Variants in MACF1 observed in about 807,000 individuals in gnomAD.
The protein encoded by MACF1 is microtubule-actin cross-linking factor 1.
Under a neutral mutation model 854.8 loss-of-function variants are expected in MACF1, and 193 were observed. The observed-to-expected ratio is 0.23, with a 90% CI of 0.20 to 0.25. The LOEUF (loss-of-function observed/expected upper bound fraction) is 0.25. MACF1 is among the 10% of genes least tolerant of loss of function. The pLI, the probability that MACF1 is intolerant of heterozygous loss-of-function variation, is 1.00. For missense variants in MACF1, 7,722 were observed against 8,929.1 expected (o/e 0.86, Z 5.45); for synonymous variants, 3,185 against 3,226.7 (o/e 0.99, Z 0.44).
rs201897886 is a variant in MACF1 at position 39,475,954 on chromosome 1, C to T, written c.21959-3844C>T. ...GAGGAGTGGTCAGCAAGGGAGCAGG[C>T]GTCCTTGAAGCCAGGGGAGGACAGG... On this transcript the variant is annotated intron_variant, in intron 97 of 100. Transcript: ENST00000564288. 1.6e-4 allele frequency among the ~76,000 whole-genome samples: 24 copies of T among 152,190 alleles called. 1 individual carries two copies. In the East Asian group the frequency reaches 3.9e-3, roughly 25 times the overall value.
chr1:39,324,819 T>TTCTCCATTC, intron 35 of MACF1, 85 bp downstream of exon 35: 1 of 1,061,988 alleles, frequency 9.4e-7, no homozygotes, highest in Non-Finnish European at 1.4e-6. Context: ...GATTTCAGAA[T>TTCTCCATTC]GGAGAATTCA....
At chr1:39,370,292 T>C in intron 51 of MACF1, 106 bp downstream of exon 51, 1 of 1,007,112 alleles carries the variant, frequency 9.9e-7, no homozygotes, top group Non-Finnish European at 1.4e-6. Flanking sequence ...ATCCAAGTTG[T>C]CAGTCTGCAT....
intron 49 of MACF1, 100 bp from the exon 50 acceptor site, chr1:39,368,048 C>A: frequency 3.9e-6 from 3 of 773,808 alleles, no homozygotes; most frequent in Non-Finnish European, 4.0e-6. Context: ...TTGTTTTGAT[C>A]TAGCATTTGA....
intron 2 of MACF1, among the ~76,000 whole-genome samples, chr1:39,151,737 T>G (rs1643584054): frequency 6.6e-6 from 1 of 152,142 alleles, no homozygotes; most frequent in African/African-American, 2.4e-5. Context: ...TTTATCTGCA[T>G]TAGTTGTACC....
chr1:39,160,616 T>C (rs1039270165), intron 2 of MACF1, among the ~76,000 whole-genome samples: 8 of 152,268 alleles, frequency 5.3e-5, no homozygotes, highest in Non-Finnish European at 1.2e-4. Context: ...AACTCTTCTT[T>C]GCTCCTGCAA....
chr1:39,361,424 G>C lies in MACF1; in HGVS notation c.12518G>C (p.Arg4173Pro), dbSNP rs530265028. 1.2e-5 allele frequency: 19 copies of C among 1,614,020 alleles called. No individual in the cohort carries two copies. The highest frequency in any genetic ancestry group is 1.1e-5 in the Non-Finnish European group (13 of 1,180,040). ...SLEATREMVTRFMETADSTTA... is the reference protein window; with the variant it reads ...SLEATREMVTPFMETADSTTA... Reference sequence around the variant, plus strand: ...GAGGCCACCCGTGAGATGGTGACCCGATTCATGGAGACAGCAGACAGTACT... The same window carrying C: ...GAGGCCACCCGTGAGATGGTGACCCCATTCATGGAGACAGCAGACAGTACT... Residue 4173 changes from arginine to proline, a missense_variant, in exon 49 of 101, where the codon CGA becomes CCA. Around this residue, in one of 15 missense-constraint regions of MACF1, gnomAD observed 2,807 missense variants for 3,235.8 expected, o/e 0.87. Transcript: ENST00000564288.
chr1:39,190,936 T>G (rs1644248451), intron 2 of MACF1, among the ~76,000 whole-genome samples: 1 of 152,120 alleles, frequency 6.6e-6, no homozygotes, highest in Non-Finnish European at 1.5e-5. Flanking sequence ...GAGTTTGCAG[T>G]GAGCTGAGAT....
In MACF1 at chr1:39,319,625, G is replaced by A. The variant is rs751200342; in HGVS notation, c.3946-39G>A. ...TAAATGTTCAGCTCTTTCAATGGTG[G>A]TAATGGCAATGATAATGTTGTGATA... is the stretch of plus-strand genomic sequence containing the variant. On this transcript the variant is annotated intron_variant, in intron 30 of 100. Transcript: ENST00000564288. 1.2e-5 allele frequency: 16 copies of A among 1,332,440 alleles called. No homozygotes were observed. The South Asian group carries it at 1.4e-4, about 12-fold the overall frequency. 82.5% of individuals were successfully genotyped at this position (1,332,440 alleles called of 1,614,324 possible). A position where few individuals can be genotyped will look rare whatever the true frequency, so the allele number is the denominator to read the frequency against.
chr1:39,336,524 A>G lies in MACF1; in HGVS notation c.9936A>G (p.Ala3312=). 2 of 1,614,212 alleles carry G rather than the reference A, an allele frequency of 1.2e-6. No homozygotes were observed. The highest frequency in any genetic ancestry group is 1.7e-6 in the Non-Finnish European group (2 of 1,180,028). The change falls in exon 37 of 101, where the codon GCA becomes GCG. Residue 3312 remains alanine (A), a synonymous_variant. Transcript: ENST00000564288. The part of the protein sequence containing the change: ...EKTVSLTVCS[A]VKTEKTPQEK... ...CAGTGTCCCTAACAGTATGCTCTGCAGTGAAGACAGAGAAGACACCACAGG... is the reference window on the plus strand; with the variant it reads ...CAGTGTCCCTAACAGTATGCTCTGCGGTGAAGACAGAGAAGACACCACAGG...
intron 36 of MACF1, among the ~76,000 whole-genome samples, chr1:39,327,583 A>G (rs997469879): frequency 1.9e-4 from 29 of 152,302 alleles, no homozygotes; most frequent in African/African-American, 6.5e-4. Flanking sequence ...GACCTGGTTC[A>G]CCTTTTTTGT....
chr1:39,326,722 C>T (rs1034630389), intron 35 of MACF1, among the ~76,000 whole-genome samples: 2 of 149,846 alleles, frequency 1.3e-5, no homozygotes, highest in African/African-American at 4.9e-5. Context: ...AAAGAAAAGG[C>T]CCTAAAGCAA....
At chr1:39,408,642 GGCGGGAGGGGCCGGGCCA>G (rs1372850105) in intron 58 of MACF1, among the ~76,000 whole-genome samples, 1 of 152,158 alleles carries the variant, frequency 6.6e-6, no homozygotes, top group African/African-American at 2.4e-5. Flanking sequence ...GCGAGACAGG[GGCGGGAGGGGCCGGGCCA>G]GCGGGAGGAG....
intron 2 of MACF1, among the ~76,000 whole-genome samples, chr1:39,126,251 G>A (rs760925168): frequency 6.6e-5 from 10 of 152,172 alleles, no homozygotes; most frequent in Admixed American, 6.5e-4. Context: ...ATCTCTTCTA[G>A]TTTCTGGTTG....
intron 44 of MACF1, among the ~76,000 whole-genome samples, chr1:39,355,044 A>G (rs1487802076): frequency 1.1e-4 from 17 of 152,254 alleles, no homozygotes; most frequent in Admixed American, 1.1e-3. Context: ...CATGGATCAT[A>G]TATTTTAGTG....
At chr1:39,412,376 T>G (rs1314586257) in intron 58 of MACF1, 2 of 1,613,998 alleles carry the variant, frequency 1.2e-6, no homozygotes, top group Non-Finnish European at 1.7e-6. Context: ...ATGGGAAATG[T>G]GGTCACTTGT....
At chr1:39,272,244 A>G (rs1327790657) in intron 6 of MACF1, among the ~76,000 whole-genome samples, 1 of 152,246 alleles carries the variant, frequency 6.6e-6, no homozygotes, top group Non-Finnish European at 1.5e-5. Flanking sequence ...CCTTAAGGCC[A>G]AGAGGCTGCA....
chr1:39,317,822 C>G (rs1057125106), intron 29 of MACF1, among the ~76,000 whole-genome samples: 6 of 152,192 alleles, frequency 3.9e-5, no homozygotes, highest in Admixed American at 3.3e-4. Context: ...TTTTTCATCT[C>G]TGTTACTAGA....
intron 2 of MACF1, among the ~76,000 whole-genome samples, chr1:39,184,243 T>G (rs1236883661): frequency 1.3e-5 from 2 of 152,180 alleles, no homozygotes; most frequent in East Asian, 1.9e-4. Flanking sequence ...GTGCTAGTCA[T>G]GGACTTCTTT....
At chr1:39,481,423 G>A (rs942011496) in intron 99 of MACF1, among the ~76,000 whole-genome samples, 1 of 152,208 alleles carries the variant, frequency 6.6e-6, no homozygotes, top group African/African-American at 2.4e-5. Flanking sequence ...ACAATGTTCT[G>A]TCTTTGCTTA....
Sources: allele counts gnomAD v4.1 joint callset (sites outside exome capture counted in the v4.1 genomes callset), GRCh38; gene constraint gnomAD v4.1.1; regional missense constraint gnomAD v4.1.1; transcripts MANE v1.5; gene names NCBI Gene and HGNC (gene_info 2026-07-23, HGNC 2026-07-21).